Variants in TMEM181 observed in about 807,000 individuals in gnomAD.
TMEM181 encodes the protein transmembrane protein 181, also known as G protein-coupled receptor 178.
TMEM181 carries 39 observed loss-of-function variants against 71.9 expected under a neutral mutation model. That is an observed-to-expected ratio of 0.54 (90% CI 0.42 to 0.71). The LOEUF (loss-of-function observed/expected upper bound fraction) is 0.71, where lower values mean the gene tolerates loss of function less well. Among genes scored for constraint, TMEM181 ranks in the 30% least tolerant of loss-of-function variants. The pLI is 0.00. For synonymous variants in TMEM181, 245 were observed against 228.8 expected (o/e 1.07, Z -0.64); for missense variants, 595 against 583.0 (o/e 1.02, Z -0.21).
At chr6:158,541,320 G>A (rs1246400051) in intron 1 of TMEM181, among the ~76,000 whole-genome samples, 1 of 152,204 alleles carries the variant, frequency 6.6e-6, no homozygotes, top group African/African-American at 2.4e-5. Context: ...AGGAGGCTGA[G>A]GCAGGAGAAT....
At chr6:158,568,432 G>T in intron 1 of TMEM181, among the ~76,000 whole-genome samples, 1 of 152,048 alleles carries the variant, frequency 6.6e-6, no homozygotes, top group Non-Finnish European at 1.5e-5. Context: ...ACTGGTGCGA[G>T]GGGTGGCAGG....
intron 10 of TMEM181, chr6:158,610,643 G>T: frequency 3.2e-6 from 1 of 309,976 alleles, no homozygotes; most frequent in Non-Finnish European, 6.1e-6. Flanking sequence ...GAAGTGAAAT[G>T]AGTGAGAATT....
At chr6:158,586,334 T>C (rs746925781) in intron 5 of TMEM181, among the ~76,000 whole-genome samples, 3 of 152,160 alleles carry the variant, frequency 2.0e-5, no homozygotes, top group African/African-American at 4.8e-5. Context: ...CATTTTCTTA[T>C]AGGATTAGGA....
chr6:158,591,855 T>C (rs1027075841), intron 6 of TMEM181, among the ~76,000 whole-genome samples: 5 of 152,216 alleles, frequency 3.3e-5, no homozygotes, highest in African/African-American at 9.6e-5. Context: ...TTCCATCTTT[T>C]GTATCTATGT....
intron 10 of TMEM181, among the ~76,000 whole-genome samples, chr6:158,615,876 T>C (rs1205459701): frequency 2.0e-5 from 3 of 152,252 alleles, no homozygotes; most frequent in Non-Finnish European, 2.9e-5. Flanking sequence ...CATGCTGTTT[T>C]GGTTACTGTA....
chr6:158,543,618 C>G (rs1446528118), intron 1 of TMEM181, among the ~76,000 whole-genome samples: 1 of 152,230 alleles, frequency 6.6e-6, no homozygotes, highest in East Asian at 1.9e-4. Context: ...TTGTAGATGT[C>G]TATCATCTCC....
At chr6:158,556,638 G>A (rs139006440), upstream of TMEM181, among the ~76,000 whole-genome samples, 33 of 152,300 alleles carry the variant, frequency 2.2e-4, no homozygotes, top group East Asian at 2.5e-3. Flanking sequence ...TCGCAAAAGT[G>A]TAAGATTGCG....
Position 158,584,196 on chromosome 6 carries a change from C to T in TMEM181, c.259+152C>T, listed in dbSNP as rs1388998130. 7.5e-6 allele frequency: 5 copies of T among 667,130 alleles called. No homozygotes were observed. The African/African-American group carries it at 9.2e-5, about 12-fold the overall frequency. The allele number at this position is 667,130 out of a possible 1,614,324, so 41.3% of individuals were successfully genotyped here. On this transcript the variant is annotated intron_variant, in intron 4 of 16. Coordinates refer to ENST00000684151, the MANE Select transcript of TMEM181 (RefSeq NM_001376852.1). Reference sequence around the variant, plus strand: ...TTTATCATAGCAACAAATTGGAAACCCCTTAAATGTCTTCCAGTGGGAGAG... The same window carrying T: ...TTTATCATAGCAACAAATTGGAAACTCCTTAAATGTCTTCCAGTGGGAGAG...
In TMEM181 at chr6:158,553,914, A is replaced by AT. The variant is rs905352971; in HGVS notation, c.131+17059dup. 8.4e-4 allele frequency among the ~76,000 whole-genome samples: 125 copies of AT among 148,616 alleles called. 1 individual carries two copies. The highest frequency in any genetic ancestry group is 3.0e-3 in the South Asian group (14 of 4,668). Reference sequence around the variant, plus strand: ...TGTTCAATGCTGTTTCATTATTTTTATTTTTTTTTTGAGACGGAGTTTTGC... The same window carrying AT: ...TGTTCAATGCTGTTTCATTATTTTTATTTTTTTTTTTGAGACGGAGTTTTGC... On this transcript the variant is annotated intron_variant, in intron 1 of 16. Transcript: ENST00000367090.
At chr6:158,574,385 G>T (rs1040803095) in intron 2 of TMEM181, among the ~76,000 whole-genome samples, 3 of 152,054 alleles carry the variant, frequency 2.0e-5, no homozygotes, top group African/African-American at 7.2e-5. Flanking sequence ...TTCCCGTTAA[G>T]TCATCAAGAA....
chr6:158,571,034 T>C (rs1413617262), intron 1 of TMEM181, among the ~76,000 whole-genome samples: 1 of 151,712 alleles, frequency 6.6e-6, no homozygotes, highest in Non-Finnish European at 1.5e-5. Context: ...TGCTTCAGCC[T>C]CCTGAACAGC....
Position 158,608,436 on chromosome 6 carries a change from G to A in TMEM181, c.777G>A (p.Leu259=). 1.9e-6 allele frequency: 3 copies of A among 1,614,220 alleles called. No homozygotes were observed. The highest frequency in any genetic ancestry group is 2.5e-6 in the Non-Finnish European group (3 of 1,180,050). ...TGTGCGCCCTGCTGCTCTTCTGGCT[G>A]TGCGTGTACCACGGGATTCGTGTCC... ...MFLCALLLFW[L]CVYHGIRVQG... The change falls in exon 9 of 17, where the codon CTG becomes CTA. Residue 259 remains leucine, a synonymous_variant. Transcript: ENST00000684151.
At position 158,623,479 on chromosome 6, in the gene TMEM181, A is replaced by G. The variant is rs529375639; in HGVS notation, c.897-71A>G. On this transcript the variant is annotated intron_variant, in intron 10 of 16. Coordinates refer to ENST00000684151, the MANE Select transcript of TMEM181 (RefSeq NM_001376852.1). ...AATAAGTAAAAAAAACAAAAAGTCA[A>G]TAAGAAAAAATGTAAAATAAAAAGT... The G allele has an allele frequency of 8.1e-6, 9 of 1,114,486 alleles. No homozygotes were observed. In the African/African-American group the frequency reaches 9.7e-5, roughly 12 times the overall value. The allele number at this position is 1,114,486 out of a possible 1,614,324, so 69.0% of individuals were successfully genotyped here.
chr6:158,611,976 A>ACCC (rs55849301), intron 10 of TMEM181, among the ~76,000 whole-genome samples: 15,585 of 129,878 alleles, frequency 0.12, 926 homozygotes, highest in Middle Eastern at 0.13. Flanking sequence ...CTGCAGGGAT[A>ACCC]CCCCCCCCAC....
chr6:158,604,243 A>G (rs1346538847), intron 6 of TMEM181, among the ~76,000 whole-genome samples: 3 of 152,088 alleles, frequency 2.0e-5, no homozygotes, highest in Non-Finnish European at 4.4e-5. Context: ...CACCAGGGGC[A>G]CCCCTTGTTG....
At chr6:158,621,973 A>G (rs1785987040) in intron 10 of TMEM181, among the ~76,000 whole-genome samples, 1 of 152,104 alleles carries the variant, frequency 6.6e-6, no homozygotes, top group Admixed American at 6.5e-5. Context: ...CCTGGGCTGG[A>G]AGGGGCCCAA....
At chr6:158,572,437 G>A (rs1221098161) in intron 1 of TMEM181, 1 of 456,758 alleles carries the variant, frequency 2.2e-6, no homozygotes, top group Non-Finnish European at 4.4e-6. Context: ...ACAGAAGAGA[G>A]AGCAAAACAG....
In TMEM181 at chr6:158,589,735, G is replaced by A. The variant is rs1325796029; in HGVS notation, c.445G>A (p.Val149Met). 1.2e-6 allele frequency: 2 copies of A among 1,614,204 alleles called. No homozygotes were observed. The highest frequency in any genetic ancestry group is 1.6e-4 in the Middle Eastern group (1 of 6,062). Residue 149 changes from valine (V) to methionine (M), a missense_variant, in exon 6 of 17, where the codon GTG becomes ATG. By Grantham distance (21) the Val-to-Met change is conservative. Transcript: ENST00000684151. ...YLNYTQYTVI[V>M]GFEHLKLPIK... ...GAACTACACTCAGTATACAGTGATA[G>A]TGGGATTTGAACACCTGAAGCTCCC...
intron 1 of TMEM181, among the ~76,000 whole-genome samples, chr6:158,545,380 C>G (rs949539891): frequency 2.6e-5 from 4 of 152,280 alleles, no homozygotes; most frequent in African/African-American, 9.6e-5. Flanking sequence ...CTTGGAAAGT[C>G]GTGGCAAGTG....
Sources: allele counts gnomAD v4.1 joint callset (sites outside exome capture counted in the v4.1 genomes callset), GRCh38; gene constraint gnomAD v4.1.1; transcripts MANE v1.5; gene names NCBI Gene and HGNC (gene_info 2026-07-23, HGNC 2026-07-21).